Variants in MCF2L2 observed in about 807,000 individuals in gnomAD.
MCF2L2 encodes the protein MCF.2 cell line derived transforming sequence-like 2.
A neutral mutation model predicts 150.2 loss-of-function variants in MCF2L2; 102 were observed. The ratio of observed to expected loss-of-function variants is 0.68; its 90% CI spans 0.58 to 0.80. MCF2L2 has a LOEUF of 0.80. Among genes scored for constraint, MCF2L2 ranks in the 30% least tolerant of loss-of-function variants. The probability of loss-of-function intolerance (pLI) is 0.00; values close to 1 mark genes in which losing one functional copy is unlikely to be tolerated. For missense variants in MCF2L2, 1,256 were observed against 1,372.8 expected (o/e 0.91, Z 1.34); for synonymous variants, 465 against 491.3 (o/e 0.95, Z 0.71).
intron 1 of MCF2L2, among the ~76,000 whole-genome samples, chr3:183,392,331 T>C (rs528626079): frequency 1.4e-4 from 21 of 152,096 alleles, no homozygotes; most frequent in South Asian, 6.2e-4. Context: ...AGGGCAAACC[T>C]CGGCCACGCG....
chr3:183,214,650 CAA>C (rs1576928134), intron 22 of MCF2L2, among the ~76,000 whole-genome samples: 1 of 151,524 alleles, frequency 6.6e-6, no homozygotes, highest in African/African-American at 2.4e-5. Context: ...AATATAATCA[CAA>C]GTGACAAAAA....
chr3:183,184,917 C>T (rs1456644699), intron 27 of MCF2L2, among the ~76,000 whole-genome samples: 1 of 143,200 alleles, frequency 7.0e-6, no homozygotes, highest in Non-Finnish European at 1.5e-5. Flanking sequence ...CTTTTTTTTT[C>T]TTTTTCTTTT....
chr3:183,234,291 C>T (rs1374364886), intron 15 of MCF2L2, among the ~76,000 whole-genome samples: 1 of 152,134 alleles, frequency 6.6e-6, no homozygotes, highest in Non-Finnish European at 1.5e-5. Flanking sequence ...AGTCAGAAGG[C>T]AGAAATAACC....
intron 27 of MCF2L2, among the ~76,000 whole-genome samples, chr3:183,184,497 T>C (rs1248468146): frequency 6.6e-6 from 1 of 152,192 alleles, no homozygotes. Context: ...ATGGGAAAGG[T>C]GGGCGATGAG....
chr3:183,369,508 C>T (rs1195993539), intron 3 of MCF2L2, among the ~76,000 whole-genome samples: 3 of 152,110 alleles, frequency 2.0e-5, no homozygotes, highest in Admixed American at 2.0e-4. Context: ...CATGAAGGGG[C>T]AAGAAGCTCA....
chr3:183,240,219 CAGGCT>C (rs1227930383), intron 15 of MCF2L2, among the ~76,000 whole-genome samples: 3 of 152,210 alleles, frequency 2.0e-5, no homozygotes, highest in Non-Finnish European at 4.4e-5. Flanking sequence ...TGCAGACCAC[CAGGCT>C]ACGCCCTTCC....
chr3:183,183,555 T>A (rs1721598443), intron 27 of MCF2L2, among the ~76,000 whole-genome samples: 1 of 152,236 alleles, frequency 6.6e-6, no homozygotes, highest in African/African-American at 2.4e-5. Context: ...TCTCACTCTG[T>A]CACTCACTAG....
chr3:183,302,215 G>A (rs750386111), intron 10 of MCF2L2, among the ~76,000 whole-genome samples: 9 of 152,276 alleles, frequency 5.9e-5, no homozygotes, highest in Non-Finnish European at 7.3e-5. Context: ...ACTTCACCTC[G>A]CATGCCTTTC....
At chr3:183,399,016 T>C (rs1160749217) in intron 1 of MCF2L2, among the ~76,000 whole-genome samples, 1 of 152,220 alleles carries the variant, frequency 6.6e-6, no homozygotes, top group Non-Finnish European at 1.5e-5. Flanking sequence ...AAAGCTCTTG[T>C]AATAATTTAA....
At chr3:183,241,920 A>G (rs1214588668) in intron 15 of MCF2L2, among the ~76,000 whole-genome samples, 1 of 152,162 alleles carries the variant, frequency 6.6e-6, no homozygotes, top group East Asian at 1.9e-4. Flanking sequence ...GTGGTCTCAG[A>G]TAGAGATGAG....
chr3:183,334,010 A>C (rs1456367362), intron 5 of MCF2L2, among the ~76,000 whole-genome samples: 1 of 151,928 alleles, frequency 6.6e-6, no homozygotes, highest in Non-Finnish European at 1.5e-5. Context: ...AGGACACAAG[A>C]GTCAGCTTGA....
intron 5 of MCF2L2, among the ~76,000 whole-genome samples, chr3:183,333,013 C>A (rs147572146): frequency 3.7e-3 from 557 of 152,138 alleles, no homozygotes; most frequent in Non-Finnish European, 6.5e-3. Flanking sequence ...CAAGTCTTCA[C>A]TGAGATGGGT....
At chr3:183,198,723 AT>A (rs1277043822) in intron 25 of MCF2L2, among the ~76,000 whole-genome samples, 3 of 152,198 alleles carry the variant, frequency 2.0e-5, no homozygotes, top group Non-Finnish European at 2.9e-5. Flanking sequence ...AGAAATCTGC[AT>A]TTGTAGCAAG....
chr3:183,318,274 T>C, intron 6 of MCF2L2, 57 bp from the exon 7 acceptor site: 2 of 1,581,144 alleles, frequency 1.3e-6, no homozygotes, highest in Non-Finnish European at 1.7e-6. Flanking sequence ...CAACATGCTG[T>C]CTTGATGGAA....
intron 15 of MCF2L2, among the ~76,000 whole-genome samples, chr3:183,238,031 T>C (rs1470175819): frequency 6.9e-6 from 1 of 145,700 alleles, no homozygotes; most frequent in Admixed American, 7.0e-5. Flanking sequence ...TTCTTAATCC[T>C]GAGTTCTAGT....
chr3:183,344,139 A>AC (rs111584178), intron 3 of MCF2L2, among the ~76,000 whole-genome samples: 7,758 of 150,616 alleles, frequency 0.052, 226 homozygotes, highest in East Asian at 0.12. Context: ...CAAAACCACC[A>AC]CCCCCCCCAA....
chr3:183,230,349 G>A (rs1324637954), intron 16 of MCF2L2, among the ~76,000 whole-genome samples: 3 of 152,088 alleles, frequency 2.0e-5, no homozygotes, highest in Non-Finnish European at 4.4e-5. Flanking sequence ...TCTGACCTCA[G>A]GCGATCCACC....
Position 183,381,800 on chromosome 3 carries a change from A to G in MCF2L2, c.161-2389T>C, listed in dbSNP as rs1007794482. 1.1e-4 allele frequency among the ~76,000 whole-genome samples: 16 copies of G among 152,334 alleles called. 1 individual carries two copies. Among genetic ancestry groups the G allele is most frequent in the African/African-American group, 2.9e-4 (12 of 41,568 alleles). On this transcript the variant is annotated intron_variant, in intron 2 of 29. Coordinates refer to ENST00000328913, the MANE Select transcript of MCF2L2 (RefSeq NM_015078.4). ...CAAGTATATTGAACTACCTCATTAC[A>G]GTGACTGATGAGGATATTAACAGCT...
chr3:183,297,341 G>A (rs942175715), intron 11 of MCF2L2, 174 bp from the exon 12 acceptor site: 2 of 599,652 alleles, frequency 3.3e-6, no homozygotes, highest in Non-Finnish European at 5.8e-6. Flanking sequence ...ACACTATGAG[G>A]GGGACAAACC....
Sources: gnomAD v4.1 joint callset for allele counts (sites outside exome capture counted in the v4.1 genomes callset) on GRCh38, gnomAD v4.1.1 for gene constraint, MANE v1.5 for transcripts, NCBI Gene and HGNC (gene_info 2026-07-23, HGNC 2026-07-21) for gene names.